Variants in PTPRD observed in about 807,000 individuals in gnomAD.
PTPRD encodes the protein receptor-type tyrosine-protein phosphatase delta.
PTPRD carries 34 observed loss-of-function variants against 214.5 expected under a neutral mutation model. The observed-to-expected ratio is 0.16, with a 90% confidence interval of 0.12 to 0.21. The LOEUF (loss-of-function observed/expected upper bound fraction) is 0.21. Ranked by LOEUF, PTPRD falls within the 10% of genes least tolerant of loss-of-function variation. The pLI is 1.00. For missense variants in PTPRD, 2,545 were observed against 2,398.7 expected (o/e 1.06, Z -1.27); for synonymous variants, 1,128 against 845.7 (o/e 1.33, Z -5.79).
intron 14 of PTPRD, among the ~76,000 whole-genome samples, chr9:8,590,736 G>A (rs1032504421): frequency 6.6e-6 from 1 of 152,148 alleles, no homozygotes; most frequent in Non-Finnish European, 1.5e-5. Context: ...AAATACTAGG[G>A]ATTTGCATGC....
At chr9:9,243,892 C>G (rs1435719262) in intron 9 of PTPRD, among the ~76,000 whole-genome samples, 1 of 152,132 alleles carries the variant, frequency 6.6e-6, no homozygotes, top group Admixed American at 6.6e-5. Context: ...TAGAAAACCC[C>G]ATCATCTCAG....
chr9:8,987,211 T>G (rs2099348870), intron 11 of PTPRD, among the ~76,000 whole-genome samples: 1 of 152,116 alleles, frequency 6.6e-6, no homozygotes, highest in Admixed American at 6.6e-5. Flanking sequence ...ATTAGGTTTC[T>G]GCTGACATGT....
intron 9 of PTPRD, among the ~76,000 whole-genome samples, chr9:9,286,952 A>G (rs905014620): frequency 1.5e-5 from 2 of 129,460 alleles, no homozygotes; most frequent in African/African-American, 5.6e-5. Context: ...TTGGCTGGGC[A>G]TAGTGGCTCA....
intron 3 of PTPRD, among the ~76,000 whole-genome samples, chr9:10,279,423 T>G (rs1452247400): frequency 6.6e-6 from 1 of 152,166 alleles, no homozygotes; most frequent in Admixed American, 6.5e-5. Context: ...TGGTCAACTG[T>G]AATAGTCATT....
chr9:9,690,028 T>C (rs1478318442), intron 7 of PTPRD, among the ~76,000 whole-genome samples: 1 of 151,886 alleles, frequency 6.6e-6, no homozygotes, highest in African/African-American at 2.4e-5. Context: ...TACTGGGTTA[T>C]ATAGCAGTTC....
intron 2 of PTPRD, among the ~76,000 whole-genome samples, chr9:10,433,862 G>T (rs894944066): frequency 9.9e-5 from 15 of 151,596 alleles, no homozygotes; most frequent in Non-Finnish European, 2.1e-4. Context: ...GAATCTATAG[G>T]TTCTTTTAGT....
At chr9:9,591,457 G>C (rs2092721975) in intron 7 of PTPRD, among the ~76,000 whole-genome samples, 1 of 151,958 alleles carries the variant, frequency 6.6e-6, no homozygotes, top group Admixed American at 6.6e-5. Flanking sequence ...TCTTGATGTT[G>C]GCCTTGTGAG....
intron 5 of PTPRD, among the ~76,000 whole-genome samples, chr9:9,937,642 ATTACATG>A (rs1166268730): frequency 6.6e-6 from 1 of 152,172 alleles, no homozygotes; most frequent in Non-Finnish European, 1.5e-5. Context: ...CCAAATACTT[ATTACATG>A]TTTCTTGTAT....
chr9:8,341,643 A>G, intron 40 of PTPRD, 50 bp downstream of exon 40: 1 of 1,591,412 alleles, frequency 6.3e-7, no homozygotes, highest in Non-Finnish European at 8.6e-7. Context: ...CTCAAAGACA[A>G]ACCCAGAATG....
At chr9:8,882,362 C>T (rs1036217797) in intron 11 of PTPRD, among the ~76,000 whole-genome samples, 10 of 152,020 alleles carry the variant, frequency 6.6e-5, no homozygotes, top group South Asian at 2.1e-4. Flanking sequence ...CAGATCCAAG[C>T]GGTGAAGTAA....
chr9:10,263,670 A>G (rs944200816), intron 3 of PTPRD, among the ~76,000 whole-genome samples: 2 of 152,188 alleles, frequency 1.3e-5, no homozygotes, highest in African/African-American at 4.8e-5. Flanking sequence ...GCAGCCTGAC[A>G]ATGCAATAGA....
intron 8 of PTPRD, among the ~76,000 whole-genome samples, chr9:9,498,373 A>G (rs961705455): frequency 6.6e-6 from 1 of 152,124 alleles, no homozygotes; most frequent in Non-Finnish European, 1.5e-5. Context: ...GGAAAGATAA[A>G]AAGTAAATCC....
intron 39 of PTPRD, among the ~76,000 whole-genome samples, chr9:8,345,828 T>G (rs909061951): frequency 1.1e-4 from 17 of 152,092 alleles, no homozygotes; most frequent in Admixed American, 5.2e-4. Context: ...TTTTTTTATT[T>G]GACTCCAGTG....
rs905416147 is a variant in PTPRD, at chr9:8,927,057, G to C, written c.-104+91640C>G. Among the ~76,000 whole-genome samples the C allele has an allele frequency of 1.4e-4, 21 of 152,032 alleles. 1 individual carries two copies. Reference sequence around the variant, plus strand: ...GGAAACTGAGGTCCAGACATTGAATGATTTGTTTAAGGTCACAGAGCAAGT... The same window carrying C: ...GGAAACTGAGGTCCAGACATTGAATCATTTGTTTAAGGTCACAGAGCAAGT... On this transcript the variant is annotated intron_variant, in intron 11 of 45. Transcript: ENST00000381196.
chr9:8,780,165 C>G (rs963018253), intron 11 of PTPRD, among the ~76,000 whole-genome samples: 1 of 152,120 alleles, frequency 6.6e-6, no homozygotes, highest in Non-Finnish European at 1.5e-5. Flanking sequence ...TTCACCAGAT[C>G]ATAATTATTG....
In PTPRD at chr9:10,190,864, G is replaced by C. The variant is rs10958941; in HGVS notation, c.-545+150099C>G. ...TGCTGAAGTAATACACAGGGTATGG[G>C]GTTTACCTGTGGCCAGCAGCCTCTC... On this transcript the variant is annotated intron_variant, in intron 3 of 45. Coordinates refer to ENST00000381196, the MANE Select transcript of PTPRD (RefSeq NM_002839.4). Among the ~76,000 whole-genome samples the C allele has an allele frequency of 9.7e-3, 1,476 of 152,110 alleles. 15 individuals carry two copies. Among genetic ancestry groups the C allele is most frequent in the Non-Finnish European group, 0.017 (1,132 of 68,002 alleles).
intron 9 of PTPRD, among the ~76,000 whole-genome samples, chr9:9,240,221 T>C (rs1461753031): frequency 6.6e-6 from 1 of 152,178 alleles, no homozygotes; most frequent in Non-Finnish European, 1.5e-5. Flanking sequence ...AACTTTAAAG[T>C]GAAATTAAGT....
At chr9:8,418,948 T>C (rs1488907945) in intron 35 of PTPRD, among the ~76,000 whole-genome samples, 2 of 152,012 alleles carry the variant, frequency 1.3e-5, no homozygotes, top group East Asian at 3.9e-4. Context: ...GTCTGTCTGG[T>C]GATAATGTCC....
chr9:8,583,088 C>T (rs1344011989), intron 14 of PTPRD, among the ~76,000 whole-genome samples: 1 of 152,190 alleles, frequency 6.6e-6, no homozygotes, highest in Non-Finnish European at 1.5e-5. Flanking sequence ...ACTGTTCCAC[C>T]TCAGATCATA....
Sources: allele counts gnomAD v4.1 joint callset (sites outside exome capture counted in the v4.1 genomes callset), GRCh38; gene constraint gnomAD v4.1.1; transcripts MANE v1.5; gene names NCBI Gene and HGNC (gene_info 2026-07-23, HGNC 2026-07-21).